The following VMA22 variants were observed in gnomAD, a reference collection of about 807,000 sequenced individuals.
VMA22 encodes vacuolar ATPase assembly protein VMA22.
chr2:130,341,696 G>C, the VMA22 span: 1 of 1,611,704 alleles, frequency 6.2e-7, no homozygotes, highest in Non-Finnish European at 8.5e-7. Context: ...CTCCTCTGGG[G>C]CGTGGACACC....
chr2:130,338,989 G>C, the VMA22 span: 1 of 663,274 alleles, frequency 1.5e-6, no homozygotes, highest in South Asian at 1.8e-5. Context: ...AACATGCAGA[G>C]CAGGGACACA....
the VMA22 span, chr2:130,341,457 T>C: frequency 1.7e-6 from 1 of 581,484 alleles, no homozygotes; most frequent in Non-Finnish European, 3.1e-6. Flanking sequence ...ATGTATGTGA[T>C]TGTAAATCTA....
chr2:130,342,098 G>A, the VMA22 span: 1 of 1,613,722 alleles, frequency 6.2e-7, no homozygotes, highest in Non-Finnish European at 8.5e-7. Context: ...AGCGAATCCA[G>A]CTCCGCTCGC....
At chr2:130,341,317 T>C in the VMA22 span, 6 of 548,156 alleles carry the variant, frequency 1.1e-5, no homozygotes, top group Non-Finnish European at 1.6e-5. Context: ...TACCTGAACA[T>C]GCCAACAGAC....
chr2:130,339,054 G>C, the VMA22 span: 1 of 1,208,434 alleles, frequency 8.3e-7, no homozygotes, highest in Admixed American at 1.7e-5. Context: ...GAAGGAAGAA[G>C]GCCTGAGATC....
chr2:130,341,883 T>TG, the VMA22 span: 1 of 1,532,276 alleles, frequency 6.5e-7, no homozygotes, highest in South Asian at 1.1e-5. Context: ...GGAAGCATAC[T>TG]GCAGGGGCCC....
the VMA22 span, chr2:130,340,667 C>T: frequency 3.7e-6 from 2 of 544,284 alleles, no homozygotes; most frequent in East Asian, 6.5e-5. Context: ...CTAAACATTA[C>T]ATGAAAAGTG....
At chr2:130,340,774 A>C in the VMA22 span, 1 of 1,071,550 alleles carries the variant, frequency 9.3e-7, no homozygotes, top group Admixed American at 2.1e-5. Context: ...TAATGGGTGT[A>C]CAACGGAAGT....
chr2:130,341,809 G>T, the VMA22 span: 3 of 371,536 alleles, frequency 8.1e-6, no homozygotes, highest in African/African-American at 6.8e-5. Flanking sequence ...GCGCCCGCCC[G>T]CCCACCCAGC....
At chr2:130,338,123 C>T in the VMA22 span, 2 of 152,190 alleles carry the variant, frequency 1.3e-5, no homozygotes, top group African/African-American at 4.8e-5. Context: ...CACAGAGGTT[C>T]TTGAAAATGC....
the VMA22 span, chr2:130,342,150 A>G: frequency 5.6e-6 from 9 of 1,611,350 alleles, no homozygotes; most frequent in East Asian, 2.0e-4. Context: ...ATCTGGAGCC[A>G]CCTTCTTCCT....
At chr2:130,341,133 T>C in the VMA22 span, 1 of 1,396,396 alleles carries the variant, frequency 7.2e-7, no homozygotes, top group Non-Finnish European at 9.5e-7. Context: ...CTCATGATTC[T>C]ATAAAACACT....
chr2:130,341,801 G>GGGGCC, the VMA22 span: 4 of 1,378,108 alleles, frequency 2.9e-6, no homozygotes, highest in East Asian at 2.5e-5. Flanking sequence ...CCTAGAACGC[G>GGGGCC]CCCGCCCGCC....
chr2:130,341,214 G>T, the VMA22 span: 1 of 698,964 alleles, frequency 1.4e-6, no homozygotes, highest in Non-Finnish European at 2.3e-6. Flanking sequence ...TTCCCCTTGT[G>T]ATTCAGATGA....
the VMA22 span, chr2:130,340,833 T>C: frequency 1.2e-5 from 19 of 1,566,758 alleles, no homozygotes; most frequent in East Asian, 3.8e-4. Flanking sequence ...ACCCCAGCCA[T>C]GGCAGCAGTG....
At chr2:130,338,865 G>GAGTTGTTGAC in the VMA22 span, 5 of 471,490 alleles carry the variant, frequency 1.1e-5, no homozygotes, top group African/African-American at 2.0e-5. Context: ...TGACTAACGT[G>GAGTTGTTGAC]TACCTGCCTA....
the VMA22 span, chr2:130,341,679 G>A: frequency 6.2e-7 from 1 of 1,611,304 alleles, no homozygotes; most frequent in Non-Finnish European, 8.5e-7. Context: ...GCTTCGCGAG[G>A]CCCCACCTCC....
the VMA22 span, chr2:130,341,599 C>T: frequency 5.3e-6 from 7 of 1,310,556 alleles, 1 homozygote; most frequent in South Asian, 8.8e-5. Context: ...TAATTTAAAT[C>T]ATCTCCATAA....
chr2:130,339,142 T>C, the VMA22 span: 4 of 1,614,092 alleles, frequency 2.5e-6, no homozygotes, highest in Non-Finnish European at 3.4e-6. Flanking sequence ...AGGCTCCAGC[T>C]GCTTGAGTTT....
Sources: allele counts gnomAD v4.1 joint callset, GRCh38; gene constraint gnomAD v4.1.1; transcripts MANE v1.5; gene names NCBI Gene and HGNC (gene_info 2026-07-23, HGNC 2026-07-21).